The following ECE1 variants were observed in gnomAD, a reference collection of about 807,000 sequenced individuals.
ECE1 encodes endothelin-converting enzyme 1.
ECE1 carries 35 observed loss-of-function variants against 98.6 expected under a neutral mutation model. The observed-to-expected ratio is 0.35, with a 90% CI of 0.27 to 0.47. The LOEUF is 0.47. ECE1 is among the 20% of genes least tolerant of loss of function. ECE1 has a pLI of 1.00. For synonymous variants in ECE1, 394 were observed against 407.1 expected (o/e 0.97, Z 0.39); for missense variants, 814 against 1,025.3 (o/e 0.79, Z 2.81).
rs995762609 is a variant in ECE1, at chr1:21,322,050, C to G, written c.3+23326G>C. 3.3e-5 allele frequency among the ~76,000 whole-genome samples: 5 copies of G among 152,154 alleles called. No homozygotes were observed. Among genetic ancestry groups the G allele is most frequent in the East Asian group, 1.9e-4 (1 of 5,196 alleles). ...GAAACAGAGCTGCGTCCCCGGCCAC[C>G]CTTTGGTCTGGTCTTGTCTCCCTCC... is the stretch of plus-strand genomic sequence containing the variant. On this transcript the variant is annotated intron_variant, in intron 1 of 18. Transcript: ENST00000415912. This position sits in a 1 kb window ranked among gnomAD's most constrained non-coding sequence, Gnocchi z 4.1.
intron 14 of ECE1, among the ~76,000 whole-genome samples, chr1:21,230,448 C>T (rs899164730): frequency 1.3e-5 from 2 of 152,126 alleles, no homozygotes. Context: ...GGTGCAGTGG[C>T]GTGATCTTGG....
At chr1:21,299,145 C>T in intron 1 of ECE1, 1 of 266,182 alleles carries the variant, frequency 3.8e-6, no homozygotes, top group South Asian at 3.8e-5. Context: ...GACTGAGCTG[C>T]CCAGTAATTG....
chr1:21,218,248 T>C lies in ECE1; in HGVS notation c.*1707A>G, dbSNP rs920859420. On this transcript the variant is annotated 3_prime_UTR_variant, in exon 19 of 19. Transcript: ENST00000374893. The surrounding 1 kb of genome is among the most constrained non-coding windows in gnomAD (Gnocchi z 4.0). ...CTTGATTCAACCCAGGGGCCGACAA[T>C]GGACTGCAGCCCAGGGTAAGTCCAG... 1 of 152,268 alleles carries C rather than the reference T, an allele frequency of 6.6e-6. No homozygotes were observed. The highest frequency in any genetic ancestry group is 2.4e-5 in the African/African-American group (1 of 41,458). 9.4% of individuals were successfully genotyped at this position (152,268 alleles called of 1,614,324 possible).
chr1:21,241,106 G>A (rs2098195592), intron 10 of ECE1, among the ~76,000 whole-genome samples: 1 of 152,188 alleles, frequency 6.6e-6, no homozygotes, highest in African/African-American at 2.4e-5. Context: ...AGTGGAGTGA[G>A]AGCGGGCCCT....
chr1:21,276,542 A>C (rs1283530907), intron 3 of ECE1, among the ~76,000 whole-genome samples: 2 of 152,058 alleles, frequency 1.3e-5, no homozygotes, highest in Admixed American at 1.3e-4. Context: ...GTTCTTGGAG[A>C]ATGTATTGTT....
chr1:21,257,785 G>GCCC (rs11373995), intron 6 of ECE1, among the ~76,000 whole-genome samples, 195 bp from the exon 7 acceptor site: 1 of 150,360 alleles, frequency 6.7e-6, no homozygotes, highest in Non-Finnish European at 1.5e-5. Context: ...TGTCCACGTG[G>GCCC]CCCCCCCCCG....
intron 14 of ECE1, among the ~76,000 whole-genome samples, chr1:21,228,805 A>C (rs2098177961): frequency 6.6e-6 from 1 of 151,250 alleles, no homozygotes; most frequent in African/African-American, 2.4e-5. Flanking sequence ...AAGAAAAAAG[A>C]AAAGAAAAAG....
At chr1:21,266,121 A>G (rs1275885526) in intron 4 of ECE1, 2 of 152,314 alleles carry the variant, frequency 1.3e-5, no homozygotes, top group African/African-American at 4.8e-5. Flanking sequence ...ACGCCCAGGC[A>G]GGCAGAGCTG....
intron 1 of ECE1, among the ~76,000 whole-genome samples, chr1:21,308,990 G>C (rs897430332): frequency 1.3e-5 from 2 of 152,348 alleles, no homozygotes; most frequent in East Asian, 3.9e-4. Context: ...ATCACAGTTT[G>C]CAGAAACAGC....
At chr1:21,335,178 C>T (rs1639282456) in intron 1 of ECE1, among the ~76,000 whole-genome samples, 1 of 152,088 alleles carries the variant, frequency 6.6e-6, no homozygotes, top group African/African-American at 2.4e-5. Flanking sequence ...CCCCCGCCCC[C>T]GTCTTTGCCC....
In ECE1 at chr1:21,335,260, G is replaced by A. The variant is rs544777374; in HGVS notation, c.3+10116C>T. On this transcript the variant is annotated intron_variant, in intron 1 of 18. Coordinates refer to the ECE1 transcript ENST00000415912. ...CTTTCCTGGCCGCTCCTCTAGAGCGGCCCCCTCCCCTCACAGCCACTCTCC... is the reference window on the plus strand; with the variant it reads ...CTTTCCTGGCCGCTCCTCTAGAGCGACCCCCTCCCCTCACAGCCACTCTCC... Among the ~76,000 whole-genome samples the A allele has an allele frequency of 9.2e-5, 14 of 151,780 alleles. 1 individual carries two copies. The South Asian group carries it at 1.0e-3, about 11-fold the overall frequency.
At chr1:21,282,146 T>C (rs1382026352) in intron 2 of ECE1, among the ~76,000 whole-genome samples, 1 of 151,898 alleles carries the variant, frequency 6.6e-6, no homozygotes, top group African/African-American at 2.4e-5. Flanking sequence ...TTAAATTAGC[T>C]AGGCATGGTG....
chr1:21,243,094 G>A (rs2098198544), intron 10 of ECE1, among the ~76,000 whole-genome samples: 1 of 152,212 alleles, frequency 6.6e-6, no homozygotes, highest in South Asian at 2.1e-4. Flanking sequence ...GTGGTACAGA[G>A]CTCAGGGCTA....
At chr1:21,227,858 G>A (rs2098176292) in intron 15 of ECE1, 73 bp downstream of exon 15, 17 of 1,225,022 alleles carry the variant, frequency 1.4e-5, no homozygotes, top group South Asian at 7.9e-5. Context: ...TGGTGAGACT[G>A]GCTTAGGTCG....
intron 1 of ECE1, among the ~76,000 whole-genome samples, chr1:21,318,156 G>A (rs1261308432): frequency 3.3e-5 from 5 of 152,332 alleles, no homozygotes; most frequent in East Asian, 1.9e-4. Flanking sequence ...TGAGGGAAAC[G>A]GTGGGGGAGA....
chr1:21,287,538 T>C (rs2098261966), intron 2 of ECE1, among the ~76,000 whole-genome samples: 1 of 152,118 alleles, frequency 6.6e-6, no homozygotes, highest in South Asian at 2.1e-4. Context: ...AATAAATAAA[T>C]AAATATAAAT....
chr1:21,306,339 T>G (rs897993692), intron 1 of ECE1, among the ~76,000 whole-genome samples: 1 of 151,898 alleles, frequency 6.6e-6, no homozygotes, highest in Non-Finnish European at 1.5e-5. Flanking sequence ...TTTTGTTTTT[T>G]TTTTTTTCAG....
chr1:21,289,475 T>C (rs1388852480), intron 2 of ECE1, among the ~76,000 whole-genome samples: 4 of 151,702 alleles, frequency 2.6e-5, no homozygotes, highest in African/African-American at 9.7e-5. Flanking sequence ...GCGGAGACCC[T>C]GGGGAGGGGA....
intron 8 of ECE1, among the ~76,000 whole-genome samples, chr1:21,254,988 G>T (rs2098218030): frequency 6.6e-6 from 1 of 152,172 alleles, no homozygotes. Context: ...CGCTGCTTTT[G>T]CCCAAAGCAC....
Sources: gnomAD v4.1 joint callset for allele counts (sites outside exome capture counted in the v4.1 genomes callset) on GRCh38, gnomAD v4.1.1 for gene constraint, Gnocchi (gnomAD v3.1) non-coding constraint, MANE v1.5 for transcripts, NCBI Gene and HGNC (gene_info 2026-07-23, HGNC 2026-07-21) for gene names.